The following MYO9B variants were observed in gnomAD, a reference collection of about 807,000 sequenced individuals.
The protein encoded by MYO9B is myosin IXB, also known as unconventional myosin-IXb.
Under a neutral mutation model 229.5 loss-of-function variants are expected in MYO9B, and 71 were observed. The observed-to-expected ratio is 0.31, with a 90% CI of 0.26 to 0.38. The LOEUF (loss-of-function observed/expected upper bound fraction) is 0.38, where lower values mean the gene tolerates loss of function less well. Among genes scored for constraint, MYO9B ranks in the 10% least tolerant of loss-of-function variants. The pLI is 1.00. For synonymous variants in MYO9B, 1,185 were observed against 1,235.8 expected (o/e 0.96, Z 0.86); for missense variants, 2,255 against 2,920.5 (o/e 0.77, Z 5.25).
Position 17,082,208 on chromosome 19 carries a change from G to A in MYO9B, c.-59+6334G>A, listed in dbSNP as rs563839229. Among the ~76,000 whole-genome samples, 22 of 152,338 alleles carry A rather than the reference G, an allele frequency of 1.4e-4. No individual in the cohort carries two copies. In the South Asian group the frequency reaches 4.6e-3, roughly 32 times the overall value. On this transcript the variant is annotated intron_variant, in intron 1 of 39. Transcript: ENST00000682292. Reference sequence around the variant, plus strand: ...GCCCTCGCCTCTGTTCAGATGTTCAGCCAGGAGTCACGAGCATGGAAGTCA... The same window carrying A: ...GCCCTCGCCTCTGTTCAGATGTTCAACCAGGAGTCACGAGCATGGAAGTCA...
At chr19:17,129,079 AGGT>A (rs567839026) in intron 2 of MYO9B, among the ~76,000 whole-genome samples, 287 of 152,058 alleles carry the variant, frequency 1.9e-3, no homozygotes, top group Non-Finnish European at 3.5e-3. Flanking sequence ...CTTCACCCAG[AGGT>A]GGTGTTGCAG....
At chr19:17,086,964 C>G (rs927232862) in intron 1 of MYO9B, among the ~76,000 whole-genome samples, 7 of 151,934 alleles carry the variant, frequency 4.6e-5, no homozygotes, top group African/African-American at 1.7e-4. Flanking sequence ...GCAGTGTTAG[C>G]ACAGTTATGC....
chr19:17,142,993 C>T (rs2145223399), intron 2 of MYO9B, among the ~76,000 whole-genome samples: 1 of 152,252 alleles, frequency 6.6e-6, no homozygotes, highest in Admixed American at 6.5e-5. Flanking sequence ...AATCCCAGTA[C>T]TTTGGGAGGC....
chr19:17,128,263 C>T (rs78015763), intron 2 of MYO9B, among the ~76,000 whole-genome samples: 35,282 of 151,516 alleles, frequency 0.23, 4,289 homozygotes, highest in African/African-American at 0.24. Context: ...CAGTGGTATG[C>T]GCCGGTGGTC....
chr19:17,175,827 T>A, intron 14 of MYO9B, 86 bp downstream of exon 14: 56 of 446,964 alleles, frequency 1.3e-4, no homozygotes, highest in East Asian at 4.8e-4. Context: ...CTACATTCTT[T>A]TTTTTTTTTT....
intron 33 of MYO9B, 39 bp from the exon 34 acceptor site, chr19:17,206,640 C>T: frequency 6.6e-7 from 1 of 1,520,470 alleles, no homozygotes; most frequent in Non-Finnish European, 8.9e-7. Flanking sequence ...ACCTTGGGGA[C>T]CCTTGGGAGC....
In MYO9B at chr19:17,170,647, CAAAAAAAAAAAAAA is replaced by C. The variant is rs55894910; in HGVS notation, c.1794-1675_1794-1662del. Among the ~76,000 whole-genome samples, 279 of 88,852 alleles carry C rather than the reference CAAAAAAAAAAAAAA, an allele frequency of 3.1e-3. 5 individuals are homozygous for C. Among genetic ancestry groups the C allele is most frequent in the African/African-American group, 0.011 (247 of 22,810 alleles). The allele number at this position is 88,852 out of a possible 152,430, so 58.3% of individuals were successfully genotyped here. On this transcript the variant is annotated intron_variant, in intron 11 of 39. Coordinates refer to ENST00000682292, the MANE Select transcript of MYO9B (RefSeq NM_004145.4). ...GCACCATAGTGAGACCCCATCTCTA[CAAAAAAAAAAAAAA>C]AAAAAAAAAAAAACTAGCTGGGCAC...
chr19:17,197,678 AGT>A, intron 22 of MYO9B, 112 bp from the exon 23 acceptor site: 1 of 1,195,136 alleles, frequency 8.4e-7, no homozygotes, highest in Non-Finnish European at 1.2e-6. Flanking sequence ...GACATTGCCA[AGT>A]GTCCCCTGGC....
In MYO9B at chr19:17,156,940, C is replaced by T; in HGVS notation, c.1231C>T (p.Leu411=). Reference sequence around the variant, plus strand: ...TGCCGTCCTCTCGGCCATCCTGTACCTGGGCAACGTCACTTATAAGAAGAG... The same window carrying T: ...TGCCGTCCTCTCGGCCATCCTGTACTTGGGCAACGTCACTTATAAGAAGAG... ...IFAVLSAILY[L]GNVTYKKRAT... The change falls in exon 7 of 40, where the codon CTG becomes TTG. Residue 411 remains leucine (L), a synonymous_variant. Coordinates refer to ENST00000682292, the MANE Select transcript of MYO9B (RefSeq NM_004145.4). The T allele has an allele frequency of 5.0e-6, 8 of 1,613,858 alleles. No individual in the cohort carries two copies. Among genetic ancestry groups the T allele is most frequent in the Non-Finnish European group, 6.8e-6 (8 of 1,179,852 alleles).
intron 2 of MYO9B, among the ~76,000 whole-genome samples, chr19:17,140,605 C>T (rs1374876913): frequency 1.6e-4 from 25 of 151,976 alleles, no homozygotes; most frequent in Non-Finnish European, 7.4e-5. Context: ...TCTCCTGCCT[C>T]AGCCTCCTGA....
At chr19:17,148,263 A>T (rs2072437812) in intron 3 of MYO9B, among the ~76,000 whole-genome samples, 1 of 152,202 alleles carries the variant, frequency 6.6e-6, no homozygotes, top group Admixed American at 6.5e-5. Flanking sequence ...CTGGGTGTCC[A>T]GCTGGCTCTG....
In MYO9B at chr19:17,182,696, C is replaced by T. The variant is rs117385431; in HGVS notation, c.2334-1133C>T. 3.2e-4 allele frequency among the ~76,000 whole-genome samples: 48 copies of T among 152,194 alleles called. No individual in the cohort carries two copies. The East Asian group carries it at 8.7e-3, about 28-fold the overall frequency. ...TGTCCTTGTTGTGCCTTATTTTACC[C>T]CACAGGGATTCAGGTGAAACTGAAT... On this transcript the variant is annotated intron_variant, in intron 15 of 39. Coordinates refer to ENST00000682292, the MANE Select transcript of MYO9B (RefSeq NM_004145.4).
At chr19:17,180,516 A>T (rs2072846826) in intron 14 of MYO9B, 1 of 153,038 alleles carries the variant, frequency 6.5e-6, no homozygotes, top group Admixed American at 6.6e-5. Flanking sequence ...TGCCCAGCTA[A>T]CTTTTTGTAT....
chr19:17,197,840 G>C lies in MYO9B; in HGVS notation c.4095G>C (p.Pro1365=). The part of the protein sequence containing the change: ...FSTSDVSKLL[P]SLAKAQPAAE... Reference sequence around the variant, plus strand: ...CGAGCGACGTCTCCAAGCTCCTCCCGTCCCTGGCCAAGGCTCAGGTAACAA... The same window carrying C: ...CGAGCGACGTCTCCAAGCTCCTCCCCTCCCTGGCCAAGGCTCAGGTAACAA... The change falls in exon 23 of 40, where the codon CCG becomes CCC. Residue 1365 remains proline, a synonymous_variant. Transcript: ENST00000682292. The C allele has an allele frequency of 6.2e-7, 1 of 1,613,380 alleles. No individual in the cohort carries two copies. Among genetic ancestry groups the C allele is most frequent in the African/African-American group, 1.3e-5 (1 of 74,988 alleles).
intron 15 of MYO9B, 137 bp downstream of exon 15, chr19:17,181,177 GC>G (rs1328882771): frequency 6.8e-6 from 4 of 588,730 alleles, no homozygotes; most frequent in Non-Finnish European, 1.2e-5. Flanking sequence ...CCCACCCCCA[GC>G]CATCACTAAA....
Position 17,172,657 on chromosome 19 carries a change from GC to G in MYO9B, c.1936-98del. 6.7e-7 allele frequency: 1 copy of G among 1,496,626 alleles called. No homozygotes were observed. The allele number at this position is 1,496,626 out of a possible 1,614,324, so 92.7% of individuals were successfully genotyped here. ...GAACTGCCATTTGCACTTAGGATGGGCCCCACCCCACCGTCAGCCCTTCCTG... is the reference window on the plus strand; with the variant it reads ...GAACTGCCATTTGCACTTAGGATGGGCCCACCCCACCGTCAGCCCTTCCTG... On this transcript the variant is annotated intron_variant, in intron 12 of 39. Coordinates refer to ENST00000682292, the MANE Select transcript of MYO9B (RefSeq NM_004145.4). This position sits in a 1 kb window ranked among gnomAD's most constrained non-coding sequence, Gnocchi z 8.2.
intron 14 of MYO9B, among the ~76,000 whole-genome samples, chr19:17,178,679 C>A (rs1057057898): frequency 6.6e-6 from 1 of 152,104 alleles, no homozygotes; most frequent in Non-Finnish European, 1.5e-5. Flanking sequence ...AAGCCCACAG[C>A]CATCAAACAA....
Position 17,195,554 on chromosome 19 carries a change from G to A in MYO9B, c.4046+81G>A, listed in dbSNP as rs1001476109. 2 of 1,490,742 alleles carry A rather than the reference G, an allele frequency of 1.3e-6. No homozygotes were observed. The highest frequency in any genetic ancestry group is 1.8e-6 in the Non-Finnish European group (2 of 1,110,166). The allele number at this position is 1,490,742 out of a possible 1,614,324, so 92.3% of individuals were successfully genotyped here. ...GCCAGGGGCAGTGCCACACATCCTG[G>A]AAACACATGTGTAATCATGCCCAGT... is the stretch of plus-strand genomic sequence containing the variant. On this transcript the variant is annotated intron_variant, in intron 22 of 39. Coordinates refer to ENST00000682292, the MANE Select transcript of MYO9B (RefSeq NM_004145.4). The surrounding 1 kb of genome is among the most constrained non-coding windows in gnomAD (Gnocchi z 4.5).
chr19:17,139,422 C>A (rs1179251017), intron 2 of MYO9B, among the ~76,000 whole-genome samples: 6 of 152,148 alleles, frequency 3.9e-5, no homozygotes, highest in Non-Finnish European at 8.8e-5. Context: ...GCACTCCAGC[C>A]TGGGCGACAG....
Sources: allele counts gnomAD v4.1 joint callset (sites outside exome capture counted in the v4.1 genomes callset), GRCh38; gene constraint gnomAD v4.1.1; non-coding constraint Gnocchi (gnomAD v3.1); transcripts MANE v1.5; gene names NCBI Gene and HGNC (gene_info 2026-07-23, HGNC 2026-07-21).